The following MYO1F variants were observed in gnomAD, a reference collection of about 807,000 sequenced individuals.
The protein encoded by MYO1F is myosin IF.
MYO1F carries 60 observed loss-of-function variants against 146.6 expected under a neutral mutation model. The ratio of observed to expected loss-of-function variants is 0.41; its 90% confidence interval spans 0.33 to 0.51. The LOEUF is 0.51. Ranked by LOEUF, MYO1F falls within the 20% of genes least tolerant of loss-of-function variation. MYO1F has a pLI of 0.25. For missense variants in MYO1F, 1,274 were observed against 1,534.3 expected, an observed-to-expected ratio of 0.83 and a Z score of 2.83; for synonymous variants, 602 against 602.1, an observed-to-expected ratio of 1.00 and a Z score of 0.00.
chr19:8,554,100 C>T (rs186077369), intron 4 of MYO1F, among the ~76,000 whole-genome samples: 127 of 151,934 alleles, frequency 8.4e-4, no homozygotes, highest in African/African-American at 2.9e-3. Flanking sequence ...CTGGGGACTA[C>T]AGGCGTGCAC....
chr19:8,552,216 G>T (rs779028359), intron 6 of MYO1F, 52 bp from the exon 7 acceptor site: 5 of 1,606,872 alleles, frequency 3.1e-6, no homozygotes, highest in Non-Finnish European at 4.3e-6. Context: ...GTGCAGGTGG[G>T]GGAAGGGTTG....
At chr19:8,555,635 A>T in intron 2 of MYO1F, 24 bp downstream of exon 2, 1 of 1,612,746 alleles carries the variant, frequency 6.2e-7, no homozygotes, top group South Asian at 1.1e-5. Flanking sequence ...CTGCCTGCCC[A>T]CCCCCAGCCT....
In MYO1F at chr19:8,537,294, C is replaced by G. The variant is rs371583512; in HGVS notation, c.1693-239G>C. On this transcript the variant is annotated intron_variant, in intron 16 of 27. Transcript: ENST00000644032. ...ACCCTGGAACCCAAGACAAGGAGCT[C>G]TCACGTCTACCGCACTCACCACTTA... 7.2e-5 allele frequency among the ~76,000 whole-genome samples: 11 copies of G among 152,234 alleles called. No homozygotes were observed. The South Asian group carries it at 1.0e-3, about 14-fold the overall frequency.
intron 21 of MYO1F, among the ~76,000 whole-genome samples, chr19:8,529,000 G>A (rs1370362562): frequency 6.6e-6 from 1 of 152,156 alleles, no homozygotes; most frequent in Non-Finnish European, 1.5e-5. Context: ...ATGGTATACA[G>A]GTCACCTGAG....
chr19:8,539,547 G>C (rs1972868950), intron 16 of MYO1F, among the ~76,000 whole-genome samples: 2 of 151,916 alleles, frequency 1.3e-5, no homozygotes, highest in South Asian at 4.1e-4. Context: ...AGAGGGCCCA[G>C]ATTGTGCCAC....
At position 8,551,821 on chromosome 19, in the gene MYO1F, C is replaced by A; in HGVS notation, c.690G>T (p.Pro230=). Reference sequence around the variant, plus strand: ...ATTGGTTGAGGTAGTAATAGTAGTCCGGTGTCATGAGGCCCAGGTTCTGCC... The same window carrying A: ...ATTGGTTGAGGTAGTAATAGTAGTCAGGTGTCATGAGGCCCAGGTTCTGCC... ...EQRQNLGLMT[P]DYYYYLNQSD... is the part of the protein sequence containing the mutation. The change falls in exon 8 of 28, where the codon CCG becomes CCT. Residue 230 remains proline (P), a synonymous_variant. Transcript: ENST00000644032. The A allele has an allele frequency of 6.2e-7, 1 of 1,614,108 alleles. No homozygotes were observed. Among genetic ancestry groups the A allele is most frequent in the Non-Finnish European group, 8.5e-7 (1 of 1,180,016 alleles).
rs137859878 is a variant in MYO1F at position 8,549,139 on chromosome 19, C to T, written c.1102-822G>A. 8.3e-3 allele frequency among the ~76,000 whole-genome samples: 1,248 copies of T among 151,226 alleles called. 16 individuals are homozygous for T. Among genetic ancestry groups the T allele is most frequent in the African/African-American group, 0.029 (1,204 of 41,110 alleles). On this transcript the variant is annotated intron_variant, in intron 10 of 27. Transcript: ENST00000644032. Reference sequence around the variant, plus strand: ...CTAATTCTTGTATTTTTAGTAGAGACGGGGTTTTGCCATGCTGGCCAGGGC... The same window carrying T: ...CTAATTCTTGTATTTTTAGTAGAGATGGGGTTTTGCCATGCTGGCCAGGGC...
intron 10 of MYO1F, chr19:8,549,895 G>A (rs1235562105): frequency 3.5e-6 from 2 of 563,748 alleles, no homozygotes; most frequent in Non-Finnish European, 6.4e-6. Flanking sequence ...CAACCTCCTG[G>A]GTTCAAATGA....
chr19:8,548,521 A>C (rs1973466858), intron 10 of MYO1F, among the ~76,000 whole-genome samples: 6 of 151,980 alleles, frequency 3.9e-5, no homozygotes, highest in Admixed American at 3.9e-4. Flanking sequence ...GGAGAAACCC[A>C]AGTGTCAGTG....
Position 8,555,744 on chromosome 19 carries a change from A to G in MYO1F, c.56T>C (p.Val19Ala), listed in dbSNP as rs1003013600. The change falls in exon 2 of 28, where the codon GTG (valine) becomes GCG (alanine). Residue 19 changes from valine to alanine, a missense_variant. Coordinates refer to ENST00000644032, the MANE Select transcript of MYO1F (RefSeq NM_012335.4). ...CTGGGGAAGAAGCACCATGTCATCCACGCCGCTCTGCTTCACGTTGTGGCT... is the reference window on the plus strand; with the variant it reads ...CTGGGGAAGAAGCACCATGTCATCCGCGCCGCTCTGCTTCACGTTGTGGCT... ...WQSHNVKQSG[V>A]DDMVLLPQIT... is the part of the protein sequence containing the mutation. 6.2e-7 allele frequency: 1 copy of G among 1,613,924 alleles called. No individual in the cohort carries two copies. Among genetic ancestry groups the G allele is most frequent in the African/African-American group, 1.3e-5 (1 of 74,898 alleles).
intron 22 of MYO1F, 122 bp from the exon 23 acceptor site, chr19:8,527,057 G>T: frequency 1.5e-6 from 2 of 1,317,092 alleles, no homozygotes; most frequent in Non-Finnish European, 2.1e-6. Context: ...AGTCAGCGGT[G>T]ACCAGGTAGG....
At chr19:8,571,975 G>A (rs183398956) in intron 1 of MYO1F, among the ~76,000 whole-genome samples, 7 of 152,064 alleles carry the variant, frequency 4.6e-5, no homozygotes, top group Non-Finnish European at 7.4e-5. Context: ...CGCACGCCTC[G>A]GCCTCCTAAA....
chr19:8,524,206 G>A (rs2145822255), intron 25 of MYO1F, among the ~76,000 whole-genome samples: 1 of 151,278 alleles, frequency 6.6e-6, no homozygotes, highest in East Asian at 2.0e-4. Context: ...GGATCACGAG[G>A]TCAGGAGTTC....
intron 14 of MYO1F, 42 bp from the exon 15 acceptor site, chr19:8,542,033 C>T: frequency 6.5e-7 from 1 of 1,526,870 alleles, no homozygotes; most frequent in Non-Finnish European, 9.0e-7. Context: ...ACTGAGAAAC[C>T]TGGCTGGGAG....
At chr19:8,538,172 G>C (rs555201186) in intron 16 of MYO1F, among the ~76,000 whole-genome samples, 8 of 151,024 alleles carry the variant, frequency 5.3e-5, no homozygotes, top group African/African-American at 1.9e-4. Context: ...CACCATGTTG[G>C]CTGGGCTGGT....
In MYO1F at chr19:8,536,373, G is replaced by A. The variant is rs202195089; in HGVS notation, c.1922C>T (p.Thr641Met). The A allele has an allele frequency of 3.7e-6, 6 of 1,606,026 alleles. No individual in the cohort carries two copies. Among genetic ancestry groups the A allele is most frequent in the African/African-American group, 2.7e-5 (2 of 74,854 alleles). ...LQRYAILTPE[T>M]WPRWRGDERQ... Reference sequence around the variant, plus strand: ...TTCGTCCCCACGCCACCGCGGCCACGTCTCGGGGGTCAGAATGGCATACCT... The same window carrying A: ...TTCGTCCCCACGCCACCGCGGCCACATCTCGGGGGTCAGAATGGCATACCT... Residue 641 changes from threonine (T) to methionine (M), a missense_variant, in exon 19 of 28, where the codon ACG becomes ATG. By Grantham distance (81) the Thr-to-Met change is moderately conservative (BLOSUM62 -1). Coordinates refer to ENST00000644032, the MANE Select transcript of MYO1F (RefSeq NM_012335.4).
chr19:8,572,003 G>A (rs1174105059), intron 1 of MYO1F, among the ~76,000 whole-genome samples: 1 of 152,116 alleles, frequency 6.6e-6, no homozygotes, highest in Non-Finnish European at 1.5e-5. Flanking sequence ...GATTACAGGC[G>A]TAAGCCACCG....
At chr19:8,521,667 G>C in intron 27 of MYO1F, 63 bp from the exon 28 acceptor site, 1 of 1,492,258 alleles carries the variant, frequency 6.7e-7, no homozygotes, top group South Asian at 1.1e-5. Context: ...CTCATGCCTG[G>C]TCTGTCCATC....
At chr19:8,574,664 T>TCTTTC (rs2042198204) in intron 1 of MYO1F, among the ~76,000 whole-genome samples, 1 of 141,488 alleles carries the variant, frequency 7.1e-6, no homozygotes, top group Non-Finnish European at 1.5e-5. Context: ...CTCTTTCTTC[T>TCTTTC]TTCTCTCTTT....
Sources: gnomAD v4.1 joint callset for allele counts (sites outside exome capture counted in the v4.1 genomes callset) on GRCh38, gnomAD v4.1.1 for gene constraint, MANE v1.5 for transcripts, NCBI Gene and HGNC (gene_info 2026-07-23, HGNC 2026-07-21) for gene names.